Variants in MAP3K15 observed in about 807,000 individuals in gnomAD.
The protein encoded by MAP3K15 is mitogen-activated protein kinase kinase kinase 15.
MAP3K15 carries 124 observed loss-of-function variants against 99.5 expected under a neutral mutation model. The ratio of observed to expected loss-of-function variants is 1.25; its 90% CI spans 1.08 to 1.45. The LOEUF (loss-of-function observed/expected upper bound fraction) is 1.45. Ranked by LOEUF, MAP3K15 falls within the 40% of genes most tolerant of loss-of-function variation. The pLI is 0.00. For synonymous variants in MAP3K15, 494 were observed against 439.6 expected (o/e 1.12, Z -1.55); for missense variants, 1,242 against 1,079.7 (o/e 1.15, Z -2.11).
intron 3 of MAP3K15, among the ~76,000 whole-genome samples, chrX:19,484,639 G>A (rs772247412): frequency 1.8e-5 from 2 of 111,820 alleles, no homozygotes; most frequent in South Asian, 7.5e-4. Context: ...CTATTTCTGA[G>A]TACTGATGCA....
intron 6 of MAP3K15, among the ~76,000 whole-genome samples, chrX:19,455,413 T>C (rs375971857): frequency 9.5e-6 from 1 of 105,176 alleles, no homozygotes; most frequent in Non-Finnish European, 1.9e-5. Context: ...GGTGCAATCA[T>C]GGCTCACTAC....
intron 19 of MAP3K15, among the ~76,000 whole-genome samples, chrX:19,375,241 G>A (rs1365262335): frequency 1.8e-5 from 2 of 112,165 alleles, no homozygotes; most frequent in Non-Finnish European, 3.8e-5. Context: ...CACAGCCTAG[G>A]GCGGCATGTC....
chrX:19,475,897 C>G, intron 3 of MAP3K15, among the ~76,000 whole-genome samples: 1 of 112,145 alleles, frequency 8.9e-6, no homozygotes, highest in Non-Finnish European at 1.9e-5. Context: ...TATTTTCCTT[C>G]TTTTCCGCAG....
intron 6 of MAP3K15, among the ~76,000 whole-genome samples, chrX:19,440,115 G>T (rs191294346): frequency 1.5e-3 from 166 of 111,522 alleles, no homozygotes; most frequent in African/African-American, 5.0e-3. Context: ...GCTGGCTCAC[G>T]ATTGTTCCAG....
At chrX:19,441,039 C>T (rs778256655) in intron 6 of MAP3K15, among the ~76,000 whole-genome samples, 1 of 111,890 alleles carries the variant, frequency 8.9e-6, no homozygotes, top group African/African-American at 3.2e-5. Context: ...AAAGTGTGGC[C>T]TATCTGTACA....
rs749812407 is a variant in MAP3K15, at chrX:19,360,184, C to T, written c.*565G>A. The stretch of plus-strand genomic sequence containing the variant: ...ACTTAGTTTTCTCTACTTACACATT[C>T]AGTATAAATATGAAGCTATTTTCTG... On this transcript the variant is annotated 3_prime_UTR_variant, in exon 29 of 29. Transcript: ENST00000338883. 6.8e-5 allele frequency: 10 copies of T among 146,194 alleles called. No homozygotes were observed. Among genetic ancestry groups the T allele is most frequent in the African/African-American group, 2.8e-4 (9 of 31,650 alleles). The allele number at this position is 146,194 out of a possible 1,213,427, so 12.0% of individuals were successfully genotyped here. A position where few individuals can be genotyped will look rare whatever the true frequency, so the allele number is the denominator to read the frequency against.
chrX:19,506,722 C>A (rs1451101584), intron 1 of MAP3K15, among the ~76,000 whole-genome samples: 1 of 110,995 alleles, frequency 9.0e-6, no homozygotes, highest in Non-Finnish European at 1.9e-5. Flanking sequence ...CAGGGTTTCA[C>A]TATGTTGGCC....
chrX:19,491,697 TTTAC>T (rs1251171659), intron 1 of MAP3K15, among the ~76,000 whole-genome samples: 4 of 110,259 alleles, frequency 3.6e-5, no homozygotes, highest in South Asian at 3.9e-4. Flanking sequence ...ACTTTTTATT[TTTAC>T]TTACTTATTT....
Position 19,477,344 on chromosome X carries a change from C to G in MAP3K15, c.525+9138G>C, listed in dbSNP as rs1448389736. Among the ~76,000 whole-genome samples, 3 of 111,407 alleles carry G rather than the reference C, an allele frequency of 2.7e-5. No individual in the cohort carries two copies. In the Admixed American group the frequency reaches 2.8e-4, roughly 11 times the overall value. On this transcript the variant is annotated intron_variant, in intron 3 of 28. Transcript: ENST00000338883. ...GCAGGAACAACAACAACAACAACAA[C>G]AAAAAGACAAAAAGACTAACAACCT...
At chrX:19,490,049 A>C (rs781496539) in intron 1 of MAP3K15, among the ~76,000 whole-genome samples, 2 of 109,167 alleles carry the variant, frequency 1.8e-5, no homozygotes, top group Admixed American at 1.0e-4. Flanking sequence ...ATAAATAAAT[A>C]AATTTCTGTT....
chrX:19,415,765 T>C (rs1382545734), intron 9 of MAP3K15, among the ~76,000 whole-genome samples: 1 of 110,976 alleles, frequency 9.0e-6, no homozygotes, highest in Admixed American at 9.6e-5. Flanking sequence ...ACACATAAAA[T>C]ATATGTAGGT....
chrX:19,425,509 A>G, intron 9 of MAP3K15, 22 bp downstream of exon 9: 1 of 1,177,400 alleles, frequency 8.5e-7, no homozygotes, highest in Non-Finnish European at 1.1e-6. Flanking sequence ...ATGGGTGATG[A>G]CAACACACAG....
intron 10 of MAP3K15, 27 bp from the exon 11 acceptor site, chrX:19,413,491 C>T (rs754684749): frequency 1.5e-5 from 16 of 1,097,811 alleles, no homozygotes; most frequent in East Asian, 6.1e-5. Flanking sequence ...TGCCTGTTAA[C>T]GTACATGGGT....
intron 1 of MAP3K15, among the ~76,000 whole-genome samples, chrX:19,489,928 C>G (rs900846116): frequency 9.1e-6 from 1 of 110,222 alleles, no homozygotes; most frequent in East Asian, 2.9e-4. Context: ...CCCAGCTACT[C>G]GGGAGGCTAA....
chrX:19,480,465 G>A (rs1429623506), intron 3 of MAP3K15, among the ~76,000 whole-genome samples: 1 of 110,574 alleles, frequency 9.0e-6, no homozygotes, highest in African/African-American at 3.3e-5. Context: ...CGGTGACAGA[G>A]TAAGACCCTG....
chrX:19,365,159 A>C (rs1179745001), intron 25 of MAP3K15, among the ~76,000 whole-genome samples: 1 of 109,217 alleles, frequency 9.2e-6, no homozygotes, highest in Non-Finnish European at 1.9e-5. Flanking sequence ...CAGTGAGCAG[A>C]GATTGCACCA....
chrX:19,372,734 A>C lies in MAP3K15; in HGVS notation c.3027T>G (p.Ser1009Arg). The C allele has an allele frequency of 8.3e-7, 1 of 1,211,473 alleles. No individual in the cohort carries two copies. ...DQGLFLLRKD[S>R]ERRAILYKIL... ...TTTTGTACAGGATGGCACGGCGCTCACTGTCCTTGCGTAGCAGGAAGAGGC... is the reference window on the plus strand; with the variant it reads ...TTTTGTACAGGATGGCACGGCGCTCCCTGTCCTTGCGTAGCAGGAAGAGGC... Residue 1009 changes from serine (S) to arginine (R), a missense_variant, in exon 22 of 29, where the codon AGT (serine) becomes AGG (arginine). Physicochemically the swap from Ser to Arg is moderately radical, Grantham distance 110. Transcript: ENST00000338883.
intron 3 of MAP3K15, among the ~76,000 whole-genome samples, 183 bp from the exon 4 acceptor site, chrX:19,464,589 C>T (rs188789924): frequency 3.6e-5 from 4 of 111,266 alleles, no homozygotes; most frequent in African/African-American, 6.5e-5. Flanking sequence ...AGCTCTACCA[C>T]GTAGATATAT....
At chrX:19,406,201 T>G (rs1011408275) in intron 13 of MAP3K15, among the ~76,000 whole-genome samples, 6 of 112,135 alleles carry the variant, frequency 5.4e-5, no homozygotes, top group Non-Finnish European at 5.6e-5. Flanking sequence ...AGGTTAAACG[T>G]AGAGTTACCA....
Sources: allele counts gnomAD v4.1 joint callset (sites outside exome capture counted in the v4.1 genomes callset), GRCh38; gene constraint gnomAD v4.1.1; transcripts MANE v1.5; gene names NCBI Gene and HGNC (gene_info 2026-07-23, HGNC 2026-07-21).